KLF8: variants seen among roughly 807,000 people sequenced by gnomAD.
KLF8 encodes the protein Krueppel-like factor 8.
A neutral mutation model predicts 18.2 loss-of-function variants in KLF8; 10 were observed. The observed-to-expected ratio is 0.55, with a 90% CI of 0.34 to 0.93. The LOEUF is 0.93. Ranked by LOEUF, KLF8 falls within the 40% of genes least tolerant of loss-of-function variation. The probability of loss-of-function intolerance (pLI) is 0.02; values close to 1 mark genes in which losing one functional copy is unlikely to be tolerated. For synonymous variants in KLF8, 109 were observed against 97.3 expected, an observed-to-expected ratio of 1.12 and a Z score of -0.71; for missense variants, 264 against 277.9, an observed-to-expected ratio of 0.95 and a Z score of 0.36.
chrX:56,175,519 A>G, the KLF8 span, among the ~76,000 whole-genome samples: 3 of 111,532 alleles, frequency 2.7e-5, no homozygotes, highest in Non-Finnish European at 5.6e-5. Flanking sequence ...ACTTCCAACT[A>G]TGTGGTGAAT....
the KLF8 span, among the ~76,000 whole-genome samples, chrX:56,105,938 G>A: frequency 9.0e-6 from 1 of 111,387 alleles, no homozygotes; most frequent in Admixed American, 9.5e-5. Context: ...CTCAGCATTT[G>A]CTTGTCTGTA....
At chrX:56,143,137 TTCTG>T in the KLF8 span, among the ~76,000 whole-genome samples, 1 of 111,526 alleles carries the variant, frequency 9.0e-6, no homozygotes, top group Non-Finnish European at 1.9e-5. Context: ...CTCTTCCCTT[TTCTG>T]TCTGTGATTT....
At chrX:56,173,230 T>G in the KLF8 span, among the ~76,000 whole-genome samples, 1 of 112,220 alleles carries the variant, frequency 8.9e-6, no homozygotes, top group African/African-American at 3.2e-5. Context: ...TTTATGGTTT[T>G]GGGTCTAACA....
chrX:56,164,044 C>T, the KLF8 span, among the ~76,000 whole-genome samples: 2 of 111,223 alleles, frequency 1.8e-5, no homozygotes, highest in Non-Finnish European at 3.8e-5. Flanking sequence ...CAGCTTTGTT[C>T]TTTTTGCTTA....
chrX:55,953,012 C>CT, the KLF8 span, among the ~76,000 whole-genome samples: 1 of 111,455 alleles, frequency 9.0e-6, no homozygotes, highest in Non-Finnish European at 1.9e-5. Context: ...CCACGTGAGT[C>CT]TGAGTTCAGT....
the KLF8 span, among the ~76,000 whole-genome samples, chrX:56,196,056 C>A: frequency 1.2e-4 from 13 of 111,486 alleles, no homozygotes; most frequent in East Asian, 3.1e-3. Flanking sequence ...ACCACCAGGA[C>A]TGCCTTCAAG....
intron 5 of KLF8, among the ~76,000 whole-genome samples, chrX:56,282,500 G>T (rs2067214920): frequency 8.9e-6 from 1 of 111,999 alleles, no homozygotes; most frequent in African/African-American, 3.2e-5. Flanking sequence ...ATTCAGACTG[G>T]ATTTCATTCT....
the KLF8 span, among the ~76,000 whole-genome samples, chrX:56,189,959 A>T: frequency 9.3e-6 from 1 of 107,752 alleles, no homozygotes; most frequent in Admixed American, 1.0e-4. Context: ...AGCATGGCAC[A>T]TGTATACATA....
chrX:55,947,798 T>A, the KLF8 span, among the ~76,000 whole-genome samples: 1 of 111,886 alleles, frequency 8.9e-6, no homozygotes, highest in Non-Finnish European at 1.9e-5. Flanking sequence ...ATGTAGAAGA[T>A]TCTTATGTGT....
At chrX:56,166,714 T>A in the KLF8 span, among the ~76,000 whole-genome samples, 1 of 112,015 alleles carries the variant, frequency 8.9e-6, no homozygotes, top group South Asian at 3.7e-4. Context: ...TCATTTACAC[T>A]GTAGGAAACT....
the KLF8 span, among the ~76,000 whole-genome samples, chrX:56,079,154 C>G: frequency 5.4e-5 from 6 of 111,056 alleles, no homozygotes; most frequent in South Asian, 1.9e-3. Context: ...CAGTTCTGCT[C>G]TGATTTTAGT....
the KLF8 span, among the ~76,000 whole-genome samples, chrX:55,987,492 T>A: frequency 9.0e-6 from 1 of 111,283 alleles, no homozygotes; most frequent in African/African-American, 3.3e-5. Context: ...AGAATGATGG[T>A]TTCCAGCTTC....
chrX:56,158,725 C>T, the KLF8 span, among the ~76,000 whole-genome samples: 2 of 111,968 alleles, frequency 1.8e-5, no homozygotes, highest in African/African-American at 6.5e-5. Context: ...GTGATTTTTG[C>T]ACATTGATTT....
the KLF8 span, among the ~76,000 whole-genome samples, chrX:56,177,695 CA>C: frequency 2.7e-5 from 3 of 111,702 alleles, no homozygotes; most frequent in Admixed American, 2.8e-4. Context: ...TCCCTGCCCC[CA>C]GAGGTGGAGT....
the KLF8 span, among the ~76,000 whole-genome samples, chrX:56,056,831 T>TA: frequency 8.6e-3 from 537 of 62,665 alleles, 5 homozygotes; most frequent in Middle Eastern, 0.054. Context: ...ATTGCAGGTG[T>TA]AAAAAAAAAA....
the KLF8 span, among the ~76,000 whole-genome samples, chrX:56,164,119 T>TTTTTA: frequency 3.6e-5 from 4 of 111,134 alleles, no homozygotes; most frequent in African/African-American, 9.8e-5. Context: ...ATTTTTTTTT[T>TTTTTA]AAACAACAGC....
At chrX:56,001,798 A>C in the KLF8 span, among the ~76,000 whole-genome samples, 1 of 111,993 alleles carries the variant, frequency 8.9e-6, no homozygotes, top group East Asian at 2.8e-4. Context: ...ATGAAATCTG[A>C]TGAGATTCAT....
At chrX:56,221,925 C>T in the KLF8 span, among the ~76,000 whole-genome samples, 1 of 111,753 alleles carries the variant, frequency 8.9e-6, no homozygotes, top group African/African-American at 3.3e-5. Context: ...GTCCATTTTA[C>T]AGAGATCCGA....
chrX:56,089,209 T>A, the KLF8 span, among the ~76,000 whole-genome samples: 2 of 111,303 alleles, frequency 1.8e-5, no homozygotes, highest in Admixed American at 1.9e-4. Context: ...TCTTGCTCTC[T>A]CAGTGCCAAG....
Sources: gnomAD v4.1 joint callset for allele counts (sites outside exome capture counted in the v4.1 genomes callset) on GRCh38, gnomAD v4.1.1 for gene constraint, MANE v1.5 for transcripts, NCBI Gene and HGNC (gene_info 2026-07-23, HGNC 2026-07-21) for gene names.